TTC39A: variants seen among roughly 807,000 people sequenced by gnomAD.
TTC39A encodes tetratricopeptide repeat protein 39A.
In TTC39A, 46 loss-of-function variants were observed where a neutral mutation model predicts 82.3. The observed-to-expected ratio is 0.56, with a 90% CI of 0.44 to 0.71. The LOEUF (loss-of-function observed/expected upper bound fraction) is 0.71, where lower values mean the gene tolerates loss of function less well. Among genes scored for constraint, TTC39A ranks in the 30% least tolerant of loss-of-function variants. The probability of loss-of-function intolerance (pLI) is 0.00; values close to 1 mark genes in which losing one functional copy is unlikely to be tolerated. For missense variants in TTC39A, 543 were observed against 712.9 expected, an observed-to-expected ratio of 0.76 and a Z score of 2.71; for synonymous variants, 254 against 275.2, an observed-to-expected ratio of 0.92 and a Z score of 0.76.
chr1:51,305,855 A>T lies in TTC39A; in HGVS notation c.588+122T>A, dbSNP rs1163150104. The T allele has an allele frequency of 3.1e-6, 3 of 980,938 alleles. No homozygotes were observed. The Admixed American group carries it at 5.9e-5, about 19-fold the overall frequency. 60.8% of individuals were successfully genotyped at this position (980,938 alleles called of 1,614,324 possible). On this transcript the variant is annotated intron_variant, in intron 7 of 17. Transcript: ENST00000680483. ...TGGCCACATGTCTGGTCACCTCTGG[A>T]TCCTGGTGCCCAGCACACAGCCAGG...
chr1:51,311,181 G>T, intron 5 of TTC39A, 73 bp downstream of exon 5: 2 of 1,428,804 alleles, frequency 1.4e-6, no homozygotes, highest in Non-Finnish European at 9.5e-7. Context: ...TTGCTCTAGG[G>T]GATGGGTCAT....
chr1:51,303,221 C>T, intron 8 of TTC39A, 29 bp from the exon 9 acceptor site: 1 of 1,526,876 alleles, frequency 6.5e-7, no homozygotes, highest in Admixed American at 2.0e-5. Context: ...GGGTGAGGCT[C>T]CCAGAGAGGG....
At chr1:51,314,236 G>C (rs2148240865) in intron 2 of TTC39A, among the ~76,000 whole-genome samples, 1 of 152,266 alleles carries the variant, frequency 6.6e-6, no homozygotes, top group East Asian at 1.9e-4. Context: ...AACAATGCCA[G>C]GTCCTCTCTG....
chr1:51,323,743 C>G (rs1345361564), intron 1 of TTC39A, among the ~76,000 whole-genome samples: 1 of 152,076 alleles, frequency 6.6e-6, no homozygotes, highest in African/African-American at 2.4e-5. Context: ...TTTTTCAAAT[C>G]TTAGTTATTT....
At chr1:51,330,700 G>A (rs71503603), upstream of TTC39A, 9,606 of 883,510 alleles carry the variant, frequency 0.011, 72 homozygotes, top group Admixed American at 0.017. The surrounding 1 kb of genome is among the most constrained non-coding windows in gnomAD (Gnocchi z 4.5). Flanking sequence ...CACCGCCGGG[G>A]GTTCTGGGCG....
chr1:51,288,981 G>T lies in TTC39A; in HGVS notation c.1494-26C>A. 2 of 1,562,960 alleles carry T rather than the reference G, an allele frequency of 1.3e-6. No homozygotes were observed. Among genetic ancestry groups the T allele is most frequent in the Non-Finnish European group, 1.7e-6 (2 of 1,150,918 alleles). ...CTGCAGAACAGAGGACATGGCTCAG[G>T]TTCCTCCTCCTGAGCCTCTCCCAAA... is the stretch of plus-strand genomic sequence containing the variant. On this transcript the variant is annotated intron_variant, in intron 16 of 17. Coordinates refer to ENST00000680483, the MANE Select transcript of TTC39A (RefSeq NM_001297663.2). The surrounding 1 kb of genome is among the most constrained non-coding windows in gnomAD (Gnocchi z 4.8).
chr1:51,323,099 G>A (rs556371225), intron 1 of TTC39A, among the ~76,000 whole-genome samples: 7 of 151,822 alleles, frequency 4.6e-5, no homozygotes, highest in South Asian at 4.2e-4. Flanking sequence ...GCATCCCAAC[G>A]TGTTGGGATT....
At chr1:51,291,272 C>T (rs1209954356) in intron 14 of TTC39A, among the ~76,000 whole-genome samples, 1 of 151,400 alleles carries the variant, frequency 6.6e-6, no homozygotes, top group Admixed American at 6.6e-5. Flanking sequence ...GAGTGGATCA[C>T]CTGAGGTCAG....
At chr1:51,300,649 T>C (rs1415421456) in intron 12 of TTC39A, 1 of 152,248 alleles carries the variant, frequency 6.6e-6, no homozygotes, top group Non-Finnish European at 1.5e-5. Flanking sequence ...ATTACTATGA[T>C]GGTACAAGCT....
chr1:51,289,661 C>G (rs183043011), intron 16 of TTC39A, among the ~76,000 whole-genome samples: 1 of 152,204 alleles, frequency 6.6e-6, no homozygotes, highest in African/African-American at 2.4e-5. Context: ...ATGGCCCTGA[C>G]GAGCCTTGGT....
intron 1 of TTC39A, among the ~76,000 whole-genome samples, chr1:51,328,464 C>T (rs754566405): frequency 2.6e-5 from 4 of 152,144 alleles, no homozygotes; most frequent in African/African-American, 4.8e-5. Flanking sequence ...TGTGAAAACG[C>T]GAGCTGCAGC....
At chr1:51,342,602 C>T (rs1411543137) in intron 1 of TTC39A, among the ~76,000 whole-genome samples, 2 of 152,066 alleles carry the variant, frequency 1.3e-5, no homozygotes, top group African/African-American at 2.4e-5. Context: ...GTGTGGTGGG[C>T]GAGGGGTGAG....
upstream of TTC39A, chr1:51,330,794 A>G (rs1448063515): frequency 3.1e-5 from 12 of 387,052 alleles, no homozygotes; most frequent in African/African-American, 2.4e-4. This position sits in a 1 kb window ranked among gnomAD's most constrained non-coding sequence, Gnocchi z 4.5. Flanking sequence ...CCCTCCTCAC[A>G]CGTCCCCACC....
In TTC39A at chr1:51,288,211, G is replaced by A; in HGVS notation, c.1680C>T (p.Ala560=). 1.2e-6 allele frequency: 2 copies of A among 1,614,076 alleles called. No homozygotes were observed. Among genetic ancestry groups the A allele is most frequent in the Non-Finnish European group, 8.5e-7 (1 of 1,179,906 alleles). The change falls in exon 18 of 18, where the codon GCC becomes GCT. Residue 560 remains alanine, a synonymous_variant. Transcript: ENST00000680483. This position sits in a 1 kb window ranked among gnomAD's most constrained non-coding sequence, Gnocchi z 4.8. The part of the protein sequence containing the change: ...HFRIQAATLQ[A]KSSLENSSRS... ...TGCTGCTGTTCTCTAGGGAAGACTT[G>A]GCTTGGAGTGTGGCTGCCTGGATTC...
rs990134829 is a variant in TTC39A, at chr1:51,287,378, G to T, written c.*779C>A. On this transcript the variant is annotated 3_prime_UTR_variant, in exon 18 of 18. Transcript: ENST00000680483. ...TGGTTTCAGTTTGGCATACAGCAAA[G>T]ATACAGACTGGATTCTGAGAACCTC... 7 of 152,180 alleles carry T rather than the reference G, an allele frequency of 4.6e-5. No individual in the cohort carries two copies. Among genetic ancestry groups the T allele is most frequent in the Non-Finnish European group, 7.3e-5 (5 of 68,034 alleles). 9.4% of individuals were successfully genotyped at this position (152,180 alleles called of 1,614,324 possible). A position where few individuals can be genotyped will look rare whatever the true frequency, so the allele number is the denominator to read the frequency against.
Position 51,330,289 on chromosome 1 carries a change from G to A in TTC39A, c.41+148C>T. On this transcript the variant is annotated intron_variant, in intron 1 of 17. Transcript: ENST00000680483. This position sits in a 1 kb window ranked among gnomAD's most constrained non-coding sequence, Gnocchi z 4.5. ...GCCCCCACTCCTGGCAGCGGCGGCG[G>A]CTGCCAGGGGCCGGGCGGGGTGGGG... The A allele has an allele frequency of 3.2e-6, 3 of 942,270 alleles. No individual in the cohort carries two copies. The highest frequency in any genetic ancestry group is 3.8e-6 in the Non-Finnish European group (3 of 791,190). 58.4% of individuals were successfully genotyped at this position (942,270 alleles called of 1,614,324 possible). A position where few individuals can be genotyped will look rare whatever the true frequency, so the allele number is the denominator to read the frequency against.
chr1:51,309,524 C>T (rs2148216567), intron 5 of TTC39A, 199 bp from the exon 6 acceptor site: 2 of 1,312,428 alleles, frequency 1.5e-6, no homozygotes, highest in East Asian at 5.6e-5. Context: ...ACCAGCCTCC[C>T]AGGTACACAT....
intron 2 of TTC39A, 124 bp from the exon 3 acceptor site, chr1:51,313,067 CG>C (rs1645145261): frequency 6.0e-6 from 8 of 1,333,188 alleles, no homozygotes; most frequent in East Asian, 2.4e-5. Flanking sequence ...GGTCCAGGCA[CG>C]GGGAGGGCCT....
intron 14 of TTC39A, among the ~76,000 whole-genome samples, chr1:51,291,768 T>G (rs372953784): frequency 5.2e-4 from 79 of 151,104 alleles, no homozygotes; most frequent in African/African-American, 1.8e-3. Flanking sequence ...ATCACCCCAC[T>G]GCATTCCAGC....
Sources: allele counts gnomAD v4.1 joint callset (sites outside exome capture counted in the v4.1 genomes callset), GRCh38; gene constraint gnomAD v4.1.1; non-coding constraint Gnocchi (gnomAD v3.1); transcripts MANE v1.5; gene names NCBI Gene and HGNC (gene_info 2026-07-23, HGNC 2026-07-21).